RANBP2: variants seen among roughly 807,000 people sequenced by gnomAD.
The protein encoded by RANBP2 is E3 SUMO-protein ligase RanBP2.
In RANBP2, 57 loss-of-function variants were observed where a neutral mutation model predicts 303.6. That is an observed-to-expected ratio of 0.19 (90% CI 0.15 to 0.23). The LOEUF (loss-of-function observed/expected upper bound fraction) is 0.23. Ranked by LOEUF, RANBP2 falls within the 10% of genes least tolerant of loss-of-function variation. RANBP2 has a pLI of 1.00. For synonymous variants in RANBP2, 1,167 were observed against 1,301.5 expected (o/e 0.90, Z 2.23); for missense variants, 3,138 against 3,780.8 (o/e 0.83, Z 4.46).
At chr2:109,367,487 G>A in the RANBP2 span, among the ~76,000 whole-genome samples, 1 of 151,834 alleles carries the variant, frequency 6.6e-6, no homozygotes, top group African/African-American at 2.4e-5. Context: ...TCACCATGTC[G>A]GCCAGGCTAG....
chr2:109,759,857 CT>C, the RANBP2 span, among the ~76,000 whole-genome samples: 1 of 124,732 alleles, frequency 8.0e-6, no homozygotes, highest in Non-Finnish European at 1.7e-5. Context: ...GACATACATG[CT>C]TATGCCCCAT....
chr2:108,723,580 T>G (rs1450006882), intron 1 of RANBP2, among the ~76,000 whole-genome samples: 1 of 152,300 alleles, frequency 6.6e-6, no homozygotes, highest in East Asian at 1.9e-4. Flanking sequence ...GGGCCCCATT[T>G]TAGACATTCT....
At chr2:109,497,324 A>G in the RANBP2 span, among the ~76,000 whole-genome samples, 1 of 152,166 alleles carries the variant, frequency 6.6e-6, no homozygotes, top group Non-Finnish European at 1.5e-5. Context: ...TGCTCTGAAA[A>G]GGCTACCACA....
At chr2:109,206,641 T>A in the RANBP2 span, among the ~76,000 whole-genome samples, 1 of 151,928 alleles carries the variant, frequency 6.6e-6, no homozygotes, top group Non-Finnish European at 1.5e-5. Flanking sequence ...AGACCCTGTC[T>A]CTACAAAAAA....
chr2:109,270,730 G>A, the RANBP2 span, among the ~76,000 whole-genome samples: 1 of 152,208 alleles, frequency 6.6e-6, no homozygotes, highest in Non-Finnish European at 1.5e-5. Flanking sequence ...TTCCTGGACT[G>A]TTACTCCTCT....
chr2:108,746,890 A>T, intron 8 of RANBP2, 92 bp downstream of exon 8: 1 of 656,552 alleles, frequency 1.5e-6, no homozygotes, highest in East Asian at 2.8e-5. Context: ...TGTCCAGGAG[A>T]TAATTTGTCA....
chr2:109,616,840 G>T, the RANBP2 span: 2 of 167,038 alleles, frequency 1.2e-5, no homozygotes, highest in Non-Finnish European at 2.9e-5. Flanking sequence ...AGAACACTTA[G>T]CAGCCTATGA....
the RANBP2 span, among the ~76,000 whole-genome samples, chr2:109,170,677 C>T: frequency 8.2e-4 from 125 of 152,276 alleles, 1 homozygote; most frequent in African/African-American, 2.8e-3. Flanking sequence ...AGGGTTCATC[C>T]TGCTCCACAG....
chr2:109,457,294 C>A, the RANBP2 span, among the ~76,000 whole-genome samples: 1 of 152,146 alleles, frequency 6.6e-6, no homozygotes, highest in Non-Finnish European at 1.5e-5. Context: ...ATCCCCGAGG[C>A]TTCTCTAAAA....
At chr2:109,192,266 G>A in the RANBP2 span, among the ~76,000 whole-genome samples, 211 of 152,280 alleles carry the variant, frequency 1.4e-3, 3 homozygotes, top group East Asian at 0.039. Context: ...TGCAGCTCAT[G>A]GGATGTTTGG....
At chr2:109,264,638 G>A in the RANBP2 span, among the ~76,000 whole-genome samples, 1 of 152,248 alleles carries the variant, frequency 6.6e-6, no homozygotes, top group Non-Finnish European at 1.5e-5. Context: ...TCTAGGTGGT[G>A]GTGAATTTTA....
chr2:109,703,629 A>G, the RANBP2 span, among the ~76,000 whole-genome samples: 2 of 151,984 alleles, frequency 1.3e-5, no homozygotes, highest in Non-Finnish European at 2.9e-5. Context: ...AGGTTTCACC[A>G]TGTTGGTCAG....
At chr2:109,614,451 G>T in the RANBP2 span, 1 of 1,206,750 alleles carries the variant, frequency 8.3e-7, no homozygotes, top group Non-Finnish European at 1.0e-6. Flanking sequence ...ATGGGACCGC[G>T]CTGAGCCGCC....
At chr2:109,732,624 A>G in the RANBP2 span, 1 of 454,256 alleles carries the variant, frequency 2.2e-6, no homozygotes, top group Non-Finnish European at 4.3e-6. Context: ...CTATAGGCAC[A>G]TGCCACTGCA....
chr2:108,729,994 C>A (rs940200638), intron 2 of RANBP2, among the ~76,000 whole-genome samples: 2 of 151,752 alleles, frequency 1.3e-5, no homozygotes, highest in African/African-American at 4.9e-5. Flanking sequence ...GTTGGGACTA[C>A]AGGTGTGTGT....
the RANBP2 span, among the ~76,000 whole-genome samples, chr2:109,352,160 A>T: frequency 6.6e-6 from 1 of 152,204 alleles, no homozygotes; most frequent in African/African-American, 2.4e-5. Flanking sequence ...GGCATTTTAA[A>T]ACCCAAGCTC....
chr2:109,029,955 T>A, the RANBP2 span, among the ~76,000 whole-genome samples: 1 of 152,242 alleles, frequency 6.6e-6, no homozygotes, highest in African/African-American at 2.4e-5. Flanking sequence ...AGGATCCTGG[T>A]TGCTATCTCT....
the RANBP2 span, among the ~76,000 whole-genome samples, chr2:109,748,910 AGACTAGCT>A: frequency 8.5e-5 from 4 of 46,832 alleles, no homozygotes; most frequent in East Asian, 7.1e-4. Context: ...AAATAAATAA[AGACTAGCT>A]TAAAATAAAC....
chr2:109,499,723 T>C, the RANBP2 span, among the ~76,000 whole-genome samples: 60,573 of 152,078 alleles, frequency 0.4, 12,419 homozygotes, highest in Admixed American at 0.53. Context: ...TCCTCCTCTG[T>C]GGCTTGCAGG....
Sources: gnomAD v4.1 joint callset for allele counts (sites outside exome capture counted in the v4.1 genomes callset) on GRCh38, gnomAD v4.1.1 for gene constraint, MANE v1.5 for transcripts, NCBI Gene and HGNC (gene_info 2026-07-23, HGNC 2026-07-21) for gene names.